RBFOX1: variants seen among roughly 807,000 people sequenced by gnomAD.
RBFOX1 encodes the protein RNA binding fox-1 homolog 1, also known as RNA binding protein fox-1 homolog 1.
A neutral mutation model predicts 57.7 loss-of-function variants in RBFOX1; 8 were observed. The ratio of observed to expected loss-of-function variants is 0.14; its 90% CI spans 0.08 to 0.25. RBFOX1 has a LOEUF of 0.25. RBFOX1 is among the 10% of genes least tolerant of loss of function. The pLI is 1.00. For synonymous variants in RBFOX1, 326 were observed against 222.4 expected, an observed-to-expected ratio of 1.47 and a Z score of -4.15; for missense variants, 611 against 548.5, an observed-to-expected ratio of 1.11 and a Z score of -1.14.
chr16:5,879,756 C>T (rs2057716300), intron 4 of RBFOX1, among the ~76,000 whole-genome samples: 4 of 152,206 alleles, frequency 2.6e-5, no homozygotes, highest in Admixed American at 2.6e-4. Flanking sequence ...CTGATGAGAG[C>T]TGGGGGTGGC....
intron 3 of RBFOX1, among the ~76,000 whole-genome samples, chr16:6,741,068 C>G (rs1160998196): frequency 2.0e-5 from 3 of 152,082 alleles, no homozygotes; most frequent in Non-Finnish European, 4.4e-5. Context: ...TAGCCCCAGA[C>G]AACATTGACC....
At chr16:7,663,187 C>T (rs933962451) in intron 12 of RBFOX1, among the ~76,000 whole-genome samples, 2 of 152,176 alleles carry the variant, frequency 1.3e-5, no homozygotes, top group Admixed American at 1.3e-4. Flanking sequence ...TTCTGACCCC[C>T]CAACCGACAT....
chr16:7,085,358 CA>C (rs200042608), intron 4 of RBFOX1, among the ~76,000 whole-genome samples: 8 of 150,326 alleles, frequency 5.3e-5, no homozygotes, highest in South Asian at 2.1e-4. Flanking sequence ...GCCAGTACTT[CA>C]AAAAAAAATA....
intron 3 of RBFOX1, among the ~76,000 whole-genome samples, chr16:7,010,301 G>A (rs1313325621): frequency 6.6e-6 from 1 of 152,202 alleles, no homozygotes; most frequent in Non-Finnish European, 1.5e-5. Context: ...AACATTTAGA[G>A]AACACTAGAG....
In RBFOX1 at chr16:5,878,006, C is replaced by G. The variant is rs565376455; in HGVS notation, c.351+10671C>G. Among the ~76,000 whole-genome samples the G allele has an allele frequency of 1.2e-4, 18 of 152,328 alleles. No homozygotes were observed. The South Asian group carries it at 3.7e-3, about 32-fold the overall frequency. ...AGTCCCACCTCCTACCTCACACTTG[C>G]TCTAGAACCAGTAAGGGGCATTGGA... On this transcript the variant is annotated intron_variant, in intron 4 of 19. Transcript: ENST00000641259.
At chr16:6,611,648 C>G (rs1255629089) in intron 2 of RBFOX1, among the ~76,000 whole-genome samples, 2 of 152,194 alleles carry the variant, frequency 1.3e-5, no homozygotes, top group Admixed American at 1.3e-4. Context: ...TTTCTTTCTC[C>G]TTTCTTTGTG....
intron 3 of RBFOX1, among the ~76,000 whole-genome samples, chr16:6,801,035 C>T (rs750244490): frequency 2.0e-5 from 3 of 152,046 alleles, no homozygotes; most frequent in South Asian, 2.1e-4. Context: ...TTCAATGATA[C>T]TTAAACTTGA....
intron 4 of RBFOX1, among the ~76,000 whole-genome samples, chr16:7,132,546 TTGCATAATG>T (rs1415970792): frequency 6.6e-6 from 1 of 151,200 alleles, no homozygotes; most frequent in Admixed American, 6.6e-5. Flanking sequence ...TCATGGTGCC[TTGCATAATG>T]GTGAGAGGCA....
At chr16:6,582,103 G>T (rs1339700324) in intron 2 of RBFOX1, among the ~76,000 whole-genome samples, 1 of 152,102 alleles carries the variant, frequency 6.6e-6, no homozygotes, top group Non-Finnish European at 1.5e-5. Context: ...GTTCAAAATG[G>T]CAATAGCATT....
intron 5 of RBFOX1, among the ~76,000 whole-genome samples, chr16:7,529,534 C>T (rs2079495344): frequency 6.6e-6 from 1 of 152,176 alleles, no homozygotes. Context: ...TGTTAAACCA[C>T]TATTATAATT....
intron 4 of RBFOX1, among the ~76,000 whole-genome samples, chr16:7,083,318 C>T (rs748868737): frequency 2.6e-5 from 4 of 151,888 alleles, no homozygotes. Context: ...AAATGTTTCT[C>T]CATCTTAGGG....
intron 5 of RBFOX1, among the ~76,000 whole-genome samples, chr16:7,537,387 G>A (rs566104144): frequency 1.0e-3 from 153 of 152,324 alleles, no homozygotes; most frequent in African/African-American, 3.5e-3. Flanking sequence ...CATTGAGGAT[G>A]TGATGATGCT....
At chr16:6,659,909 A>T (rs544987668) in intron 3 of RBFOX1, among the ~76,000 whole-genome samples, 1 of 152,218 alleles carries the variant, frequency 6.6e-6, no homozygotes, top group East Asian at 1.9e-4. Context: ...AGCAGAGTAG[A>T]TACACGGGTT....
chr16:6,529,804 G>C (rs1032817667), intron 2 of RBFOX1, among the ~76,000 whole-genome samples: 1 of 152,056 alleles, frequency 6.6e-6, no homozygotes, highest in Non-Finnish European at 1.5e-5. Context: ...TGCATGTCTT[G>C]TTGATATTTC....
At chr16:7,256,896 C>A (rs989871287) in intron 4 of RBFOX1, among the ~76,000 whole-genome samples, 28 of 152,076 alleles carry the variant, frequency 1.8e-4, no homozygotes, top group African/African-American at 6.8e-4. Context: ...CCATCACACC[C>A]GGGAAACCTA....
intron 11 of RBFOX1, among the ~76,000 whole-genome samples, chr16:7,649,661 A>G (rs768052310): frequency 2.0e-5 from 3 of 152,192 alleles, no homozygotes; most frequent in Non-Finnish European, 4.4e-5. Flanking sequence ...GAAGGAAGAC[A>G]AACATTGGTT....
intron 2 of RBFOX1, among the ~76,000 whole-genome samples, chr16:6,466,363 C>T (rs1000084571): frequency 4.6e-5 from 7 of 151,854 alleles, no homozygotes; most frequent in African/African-American, 7.3e-5. Context: ...AGTTATGGTG[C>T]GAGGTACTTT....
intron 1 of RBFOX1, among the ~76,000 whole-genome samples, chr16:5,348,504 G>C (rs1021401993): frequency 1.3e-5 from 2 of 152,186 alleles, no homozygotes; most frequent in Non-Finnish European, 2.9e-5. Context: ...GAGGGTAGCA[G>C]CTTGCCCAGG....
intron 11 of RBFOX1, among the ~76,000 whole-genome samples, chr16:7,653,020 T>C (rs1008419997): frequency 6.6e-6 from 1 of 152,240 alleles, no homozygotes; most frequent in Non-Finnish European, 1.5e-5. Context: ...GAAAGTTGTG[T>C]GTATGTGTAT....
Sources: allele counts gnomAD v4.1 joint callset (sites outside exome capture counted in the v4.1 genomes callset), GRCh38; gene constraint gnomAD v4.1.1; transcripts MANE v1.5; gene names NCBI Gene and HGNC (gene_info 2026-07-23, HGNC 2026-07-21).